Variants in KCNIP4 observed in about 807,000 individuals in gnomAD.
The protein encoded by KCNIP4 is Kv channel-interacting protein 4.
A neutral mutation model predicts 34.0 loss-of-function variants in KCNIP4; 12 were observed. That is an observed-to-expected ratio of 0.35 (90% CI 0.23 to 0.57). The LOEUF (loss-of-function observed/expected upper bound fraction) is 0.57, where lower values mean the gene tolerates loss of function less well. Among genes scored for constraint, KCNIP4 ranks in the 20% least tolerant of loss-of-function variants. KCNIP4 has a pLI of 0.83. For synonymous variants in KCNIP4, 124 were observed against 102.2 expected, an observed-to-expected ratio of 1.21 and a Z score of -1.29; for missense variants, 238 against 311.7, an observed-to-expected ratio of 0.76 and a Z score of 1.78.
intron 1 of KCNIP4, among the ~76,000 whole-genome samples, chr4:21,773,876 G>T (rs1283157776): frequency 6.6e-6 from 1 of 151,744 alleles, no homozygotes. Context: ...GCACTGATGG[G>T]TCTTGACTCT....
chr4:21,882,223 C>T (rs977342375), intron 1 of KCNIP4, among the ~76,000 whole-genome samples: 4 of 152,140 alleles, frequency 2.6e-5, no homozygotes, highest in African/African-American at 9.7e-5. Flanking sequence ...ACATTTAACA[C>T]TGGCTTATTC....
chr4:21,151,887 T>C lies in KCNIP4; in HGVS notation c.62-269178A>G, dbSNP rs183368995. Among the ~76,000 whole-genome samples, 54 of 152,258 alleles carry C rather than the reference T, an allele frequency of 3.5e-4. No individual in the cohort carries two copies. In the East Asian group the frequency reaches 9.3e-3, roughly 26 times the overall value. ...CCCTTTTTCTCCTCCATGCTCAAAT[T>C]TCACTTTTCTGTTAGATCAGTTCCA... On this transcript the variant is annotated intron_variant, in intron 1 of 8. Transcript: ENST00000382152.
intron 1 of KCNIP4, among the ~76,000 whole-genome samples, chr4:20,991,889 C>G (rs1371033645): frequency 6.6e-6 from 1 of 152,128 alleles, no homozygotes; most frequent in Non-Finnish European, 1.5e-5. Flanking sequence ...CATAGATATA[C>G]CACTTCATCA....
intron 1 of KCNIP4, among the ~76,000 whole-genome samples, chr4:21,858,624 G>T (rs987765498): frequency 2.6e-5 from 4 of 152,080 alleles, no homozygotes; most frequent in African/African-American, 7.2e-5. Context: ...AAGCACATTG[G>T]CATTTTTAAT....
chr4:20,882,917 T>G (rs1016284076), intron 1 of KCNIP4, among the ~76,000 whole-genome samples: 8 of 151,994 alleles, frequency 5.3e-5, no homozygotes, highest in African/African-American at 1.9e-4. Flanking sequence ...AATGTTGTTT[T>G]GAAGATAATG....
At chr4:21,339,933 G>A (rs964485871) in intron 1 of KCNIP4, among the ~76,000 whole-genome samples, 2 of 151,984 alleles carry the variant, frequency 1.3e-5, no homozygotes, top group Non-Finnish European at 2.9e-5. Flanking sequence ...CTCTACTCTT[G>A]TATTCTCATC....
intron 4 of KCNIP4, among the ~76,000 whole-genome samples, chr4:20,752,261 G>C (rs894129051): frequency 6.6e-6 from 1 of 151,734 alleles, no homozygotes; most frequent in African/African-American, 2.4e-5. Context: ...GTTTCATCAC[G>C]TTGGCCAGAC....
chr4:21,443,736 C>G (rs1727697386), intron 1 of KCNIP4, among the ~76,000 whole-genome samples: 1 of 151,992 alleles, frequency 6.6e-6, no homozygotes, highest in South Asian at 2.1e-4. Flanking sequence ...AGTTCGAGAC[C>G]AGCCTGGGCA....
intron 1 of KCNIP4, among the ~76,000 whole-genome samples, chr4:21,290,660 G>A (rs1019441613): frequency 6.6e-6 from 1 of 152,198 alleles, no homozygotes; most frequent in Admixed American, 6.5e-5. Context: ...ATGAAACAAG[G>A]CTCTTGCCCG....
At chr4:21,695,161 T>A (rs978212128) in intron 1 of KCNIP4, among the ~76,000 whole-genome samples, 8 of 152,130 alleles carry the variant, frequency 5.3e-5, no homozygotes, top group African/African-American at 1.4e-4. Context: ...AGTGTCCTAA[T>A]GAATTTTACA....
At chr4:21,182,912 T>C (rs981954112) in intron 1 of KCNIP4, among the ~76,000 whole-genome samples, 6 of 152,152 alleles carry the variant, frequency 3.9e-5, no homozygotes, top group African/African-American at 9.6e-5. Flanking sequence ...TTCAAAAATA[T>C]GTTATTAACT....
chr4:21,498,990 G>A (rs993924323), intron 1 of KCNIP4, among the ~76,000 whole-genome samples: 6 of 152,070 alleles, frequency 3.9e-5, no homozygotes, highest in African/African-American at 1.2e-4. Flanking sequence ...GATTTTCTTT[G>A]CTATTTATGT....
chr4:20,842,162 C>T (rs1315000000), intron 3 of KCNIP4, among the ~76,000 whole-genome samples: 3 of 152,012 alleles, frequency 2.0e-5, no homozygotes, highest in African/African-American at 7.2e-5. Context: ...GTCAGTGTAT[C>T]CTAAATACCT....
intron 1 of KCNIP4, among the ~76,000 whole-genome samples, chr4:21,181,199 T>C (rs1754813518): frequency 6.6e-6 from 1 of 152,094 alleles, no homozygotes; most frequent in South Asian, 2.1e-4. Flanking sequence ...TCTTACAATG[T>C]TAGCTAGTCT....
At chr4:20,975,273 G>A (rs996345356) in intron 1 of KCNIP4, among the ~76,000 whole-genome samples, 2 of 152,094 alleles carry the variant, frequency 1.3e-5, no homozygotes, top group African/African-American at 2.4e-5. Context: ...TCCTAGACTC[G>A]AAAGGCTCAA....
intron 2 of KCNIP4, among the ~76,000 whole-genome samples, chr4:20,854,651 A>C (rs1721384155): frequency 6.6e-6 from 1 of 152,180 alleles, no homozygotes; most frequent in Non-Finnish European, 1.5e-5. Flanking sequence ...AAAAGAATTG[A>C]AGGACATCTG....
chr4:21,441,125 T>A (rs1207472621), intron 1 of KCNIP4, among the ~76,000 whole-genome samples: 2 of 151,500 alleles, frequency 1.3e-5, no homozygotes, highest in Non-Finnish European at 2.9e-5. Context: ...TGCCCTTGTT[T>A]ATGACACCTT....
chr4:21,659,335 A>T (rs2108986680), intron 1 of KCNIP4, among the ~76,000 whole-genome samples: 1 of 152,310 alleles, frequency 6.6e-6, no homozygotes, highest in South Asian at 2.1e-4. Flanking sequence ...AATCTTACTA[A>T]GAATCTCTCA....
At chr4:21,607,276 AG>A (rs939623077) in intron 1 of KCNIP4, among the ~76,000 whole-genome samples, 1 of 152,140 alleles carries the variant, frequency 6.6e-6, no homozygotes, top group African/African-American at 2.4e-5. Context: ...CTATCTCAGA[AG>A]GTTCTTCTAA....
Sources: gnomAD v4.1 joint callset for allele counts (sites outside exome capture counted in the v4.1 genomes callset) on GRCh38, gnomAD v4.1.1 for gene constraint, MANE v1.5 for transcripts, NCBI Gene and HGNC (gene_info 2026-07-23, HGNC 2026-07-21) for gene names.